Variants in DGKB observed in about 807,000 individuals in gnomAD.
DGKB encodes the protein diacylglycerol kinase beta, also known as 90 kDa diacylglycerol kinase.
Under a neutral mutation model 114.3 loss-of-function variants are expected in DGKB, and 67 were observed. The ratio of observed to expected loss-of-function variants is 0.59; its 90% CI spans 0.48 to 0.72. DGKB has a LOEUF of 0.72. Ranked by LOEUF, DGKB falls within the 30% of genes least tolerant of loss-of-function variation. DGKB has a pLI of 0.00. For missense variants in DGKB, 907 were observed against 975.2 expected, an observed-to-expected ratio of 0.93 and a Z score of 0.93; for synonymous variants, 398 against 323.1, an observed-to-expected ratio of 1.23 and a Z score of -2.49.
intron 23 of DGKB, among the ~76,000 whole-genome samples, chr7:14,271,040 A>G (rs2128432557): frequency 6.6e-6 from 1 of 152,342 alleles, no homozygotes; most frequent in South Asian, 2.1e-4. Context: ...GCCTAGAAGG[A>G]TGATTTTGGG....
At chr7:14,775,154 G>A (rs1241933842) in intron 2 of DGKB, among the ~76,000 whole-genome samples, 1 of 151,196 alleles carries the variant, frequency 6.6e-6, no homozygotes, top group Non-Finnish European at 1.5e-5. Flanking sequence ...ATGGAATTAG[G>A]GATTACATGG....
chr7:14,759,260 G>T (rs1336953944), intron 2 of DGKB, among the ~76,000 whole-genome samples: 1 of 152,072 alleles, frequency 6.6e-6, no homozygotes, highest in Non-Finnish European at 1.5e-5. Context: ...TAAAATTCGT[G>T]TCACATAAAA....
chr7:14,883,083 C>T (rs1378066161), intron 1 of DGKB, among the ~76,000 whole-genome samples: 2 of 151,742 alleles, frequency 1.3e-5, no homozygotes, highest in Non-Finnish European at 2.9e-5. Flanking sequence ...TGAAAGCATG[C>T]TTTCCAGAAA....
chr7:14,194,274 A>G (rs568659180), intron 23 of DGKB, among the ~76,000 whole-genome samples: 17 of 152,314 alleles, frequency 1.1e-4, no homozygotes, highest in Admixed American at 1.1e-3. Context: ...ACTATTTATA[A>G]TAGCTAATAT....
At chr7:14,267,823 T>G (rs1303588217) in intron 23 of DGKB, among the ~76,000 whole-genome samples, 3 of 152,152 alleles carry the variant, frequency 2.0e-5, no homozygotes, top group Non-Finnish European at 4.4e-5. Context: ...AAGGGATTTG[T>G]TATATAAATA....
intron 23 of DGKB, among the ~76,000 whole-genome samples, chr7:14,303,902 G>A (rs1184706125): frequency 1.3e-5 from 2 of 152,102 alleles, no homozygotes; most frequent in Non-Finnish European, 2.9e-5. Context: ...AGTCTATCAA[G>A]TATAGAGGAG....
chr7:14,519,616 ACTT>A (rs1210315566), intron 20 of DGKB, among the ~76,000 whole-genome samples: 1 of 151,994 alleles, frequency 6.6e-6, no homozygotes, highest in Non-Finnish European at 1.5e-5. Context: ...TGTAGAATTA[ACTT>A]CTTAAGAAAC....
chr7:14,309,275 C>A (rs1473744803), intron 23 of DGKB, among the ~76,000 whole-genome samples: 1 of 152,150 alleles, frequency 6.6e-6, no homozygotes, highest in Non-Finnish European at 1.5e-5. Context: ...CTGTCTTTGT[C>A]ACCATGTATC....
chr7:14,957,215 G>C (rs989554390), intron 1 of DGKB, among the ~76,000 whole-genome samples: 2 of 152,050 alleles, frequency 1.3e-5, no homozygotes, highest in Middle Eastern at 3.4e-3. Context: ...TCCCCAGACA[G>C]AATTTGAACA....
intron 1 of DGKB, among the ~76,000 whole-genome samples, chr7:14,900,248 G>A (rs1470383838): frequency 6.6e-6 from 1 of 152,158 alleles, no homozygotes. Flanking sequence ...ATCAGAATTT[G>A]CGTTGGTGTT....
At chr7:14,968,083 C>A (rs1787266651) in intron 1 of DGKB, among the ~76,000 whole-genome samples, 1 of 152,014 alleles carries the variant, frequency 6.6e-6, no homozygotes, top group Non-Finnish European at 1.5e-5. Context: ...CTTAATGCTA[C>A]CGGTTGCAAA....
At chr7:14,872,187 G>C (rs142136579) in intron 1 of DGKB, among the ~76,000 whole-genome samples, 2 of 152,082 alleles carry the variant, frequency 1.3e-5, no homozygotes, top group Non-Finnish European at 2.9e-5. Flanking sequence ...TTCTCATTGC[G>C]TAAATATGCA....
At chr7:14,809,031 G>C (rs1408929323) in intron 2 of DGKB, among the ~76,000 whole-genome samples, 1 of 152,102 alleles carries the variant, frequency 6.6e-6, no homozygotes, top group Non-Finnish European at 1.5e-5. Flanking sequence ...AGAGGTTAAA[G>C]AGAACTCTAG....
intron 20 of DGKB, among the ~76,000 whole-genome samples, chr7:14,571,574 C>T (rs1229460316): frequency 6.6e-6 from 1 of 152,130 alleles, no homozygotes; most frequent in Non-Finnish European, 1.5e-5. Context: ...GTCTGAAAAT[C>T]TGTATGGATT....
At chr7:14,714,113 A>T (rs1028964984) in intron 6 of DGKB, among the ~76,000 whole-genome samples, 6 of 149,870 alleles carry the variant, frequency 4.0e-5, no homozygotes, top group Non-Finnish European at 5.9e-5. Context: ...ACACACACTG[A>T]TGTAGGTGCA....
intron 9 of DGKB, among the ~76,000 whole-genome samples, chr7:14,685,903 G>C (rs867353514): frequency 2.2e-4 from 34 of 152,168 alleles, no homozygotes; most frequent in African/African-American, 7.0e-4. Context: ...TGACATACTA[G>C]GGCTTCATTC....
chr7:14,424,535 G>T (rs1827210550), intron 21 of DGKB, among the ~76,000 whole-genome samples: 1 of 151,624 alleles, frequency 6.6e-6, no homozygotes, highest in African/African-American at 2.4e-5. Flanking sequence ...TATATTCTAG[G>T]CATTCTGCTA....
intron 21 of DGKB, among the ~76,000 whole-genome samples, chr7:14,418,359 ATATGTGTGTGTG>A (rs971106068): frequency 1.2e-4 from 13 of 106,360 alleles, no homozygotes; most frequent in African/African-American, 4.9e-4. Flanking sequence ...ATTCACATAT[ATATGTGTGTGTG>A]TATATATATA....
At chr7:14,373,827 TG>T (rs1181621335) in intron 21 of DGKB, among the ~76,000 whole-genome samples, 2 of 152,174 alleles carry the variant, frequency 1.3e-5, no homozygotes, top group African/African-American at 4.8e-5. Flanking sequence ...CATTTTCTGA[TG>T]GGCCCGTGCT....
Sources: gnomAD v4.1 joint callset for allele counts (sites outside exome capture counted in the v4.1 genomes callset) on GRCh38, gnomAD v4.1.1 for gene constraint, MANE v1.5 for transcripts, NCBI Gene and HGNC (gene_info 2026-07-23, HGNC 2026-07-21) for gene names.